GUSB: variants seen among roughly 807,000 people sequenced by gnomAD.
GUSB encodes the protein glucuronidase beta.
A neutral mutation model predicts 74.6 loss-of-function variants in GUSB; 51 were observed. That is an observed-to-expected ratio of 0.68 (90% CI 0.55 to 0.86). The LOEUF (loss-of-function observed/expected upper bound fraction) is 0.86. Among genes scored for constraint, GUSB ranks in the 40% least tolerant of loss-of-function variants. GUSB has a pLI of 0.00. For missense variants in GUSB, 736 were observed against 853.7 expected (o/e 0.86, Z 1.72); for synonymous variants, 360 against 348.3 (o/e 1.03, Z -0.37).
intron 9 of GUSB, 110 bp from the exon 10 acceptor site, chr7:65,968,017 GC>G: frequency 5.6e-6 from 5 of 896,066 alleles, no homozygotes; most frequent in Non-Finnish European, 9.0e-6. Context: ...TGTAATCCCA[GC>G]ACTCTGGGAG....
chr7:65,979,344 GAACA>G (rs1791820791), intron 4 of GUSB, 51 bp downstream of exon 4: 3 of 1,555,872 alleles, frequency 1.9e-6, no homozygotes, highest in African/African-American at 2.8e-5. Context: ...TCCAAACAGG[GAACA>G]AACAGAGCCA....
At chr7:65,967,656 C>G in intron 10 of GUSB, 75 bp downstream of exon 10, 1 of 1,234,708 alleles carries the variant, frequency 8.1e-7, no homozygotes, top group Non-Finnish European at 1.2e-6. Context: ...GCAGTGGGCG[C>G]AGGTCAGGCT....
chr7:65,979,569 G>A, intron 3 of GUSB, 28 bp from the exon 4 acceptor site: 1 of 1,613,774 alleles, frequency 6.2e-7, no homozygotes, highest in South Asian at 1.1e-5. Context: ...TGGTTTGCTG[G>A]GCCCTTGCTC....
At chr7:65,963,388 A>G (rs1392331336) in intron 11 of GUSB, among the ~76,000 whole-genome samples, 1 of 152,106 alleles carries the variant, frequency 6.6e-6, no homozygotes, top group African/African-American at 2.4e-5. Flanking sequence ...GTAATGTATT[A>G]TAATTCCCAC....
Position 65,964,338 on chromosome 7 carries a change from A to G in GUSB, c.1774T>C (p.Phe592Leu). 1 of 1,612,080 alleles carries G rather than the reference A, an allele frequency of 6.2e-7. No individual in the cohort carries two copies. The highest frequency in any genetic ancestry group is 8.5e-7 in the Non-Finnish European group (1 of 1,179,876). ...TGCCACTTACACTGTTCAGTCATGA[A>G]ATCGGCAAAATTCCAAATGAGCTCT... ...VGELIWNFADFMTEQSPTRVL... is the reference protein window; with the variant it reads ...VGELIWNFADLMTEQSPTRVL... Residue 592 changes from phenylalanine to leucine, a missense_variant, in exon 11 of 12, where the codon TTC (phenylalanine) becomes CTC (leucine). This residue lies in a region of GUSB where 368 missense variants were observed against 489.9 expected (regional missense o/e 0.75). Transcript: ENST00000304895.
intron 1 of GUSB, chr7:65,980,824 T>G (rs578103004): frequency 3.3e-6 from 1 of 302,442 alleles, no homozygotes; most frequent in African/African-American, 2.2e-5. Context: ...CTTTCCCTCC[T>G]GTACTGAATG....
At chr7:65,975,523 T>C in intron 5 of GUSB, 1 of 252,496 alleles carries the variant, frequency 4.0e-6, no homozygotes, top group Non-Finnish European at 7.8e-6. Flanking sequence ...TGGCTGGAAT[T>C]ACAGGTGTTC....
rs769514976 is a variant in GUSB at position 65,960,885 on chromosome 7, T to C, written c.*12A>G. 12 of 1,611,692 alleles carry C rather than the reference T, an allele frequency of 7.4e-6. No individual in the cohort carries two copies. The East Asian group carries it at 2.2e-4, about 30-fold the overall frequency. Reference sequence around the variant, plus strand: ...CGGGGAGGAAGGGACACGCAGGTGGTATCAGTCTTGCTCAAGTAAACAGGC... The same window carrying C: ...CGGGGAGGAAGGGACACGCAGGTGGCATCAGTCTTGCTCAAGTAAACAGGC... On this transcript the variant is annotated 3_prime_UTR_variant, in exon 12 of 12. Transcript: ENST00000304895.
At chr7:65,969,821 G>C (rs1406632423) in intron 9 of GUSB, among the ~76,000 whole-genome samples, 1 of 152,212 alleles carries the variant, frequency 6.6e-6, no homozygotes, top group East Asian at 1.9e-4. Context: ...GTGTGGGCCA[G>C]ATGAACTCTA....
chr7:65,978,439 C>T (rs576759246), intron 4 of GUSB, among the ~76,000 whole-genome samples: 1 of 149,230 alleles, frequency 6.7e-6, no homozygotes, highest in South Asian at 2.1e-4. Context: ...CAGAGCAAGA[C>T]TCCATCTCAA....
At chr7:65,970,235 G>T in intron 9 of GUSB, 47 bp downstream of exon 9, 1 of 1,144,882 alleles carries the variant, frequency 8.7e-7, no homozygotes, top group Non-Finnish European at 1.3e-6. Context: ...TTCAGGACAA[G>T]CCCAGGCAAA....
chr7:65,978,388 C>T (rs1791733644), intron 4 of GUSB, among the ~76,000 whole-genome samples: 1 of 151,862 alleles, frequency 6.6e-6, no homozygotes, highest in African/African-American at 2.4e-5. Flanking sequence ...GCGGAGGTTG[C>T]AGTGAGCCAA....
chr7:65,974,328 G>A lies in GUSB; in HGVS notation c.1358C>T (p.Ala453Val), dbSNP rs912985278. 6.2e-7 allele frequency: 1 copy of A among 1,614,120 alleles called. No homozygotes were observed. Among genetic ancestry groups the A allele is most frequent in the Non-Finnish European group, 8.5e-7 (1 of 1,180,000 alleles). The change falls in exon 8 of 12, where the codon GCG becomes GTG. Residue 453 changes from alanine (A) to valine (V), a missense_variant. Transcript: ENST00000304895. ...GTAGCCAGCAGATTCTAGGTGGGAC[G>A]CAGGCTCGTTGGCCACAGACCACAT... Reference protein sequence around the residue: ...VVMWSVANEPASHLESAGYYL... With the variant: ...VVMWSVANEPVSHLESAGYYL...
intron 9 of GUSB, among the ~76,000 whole-genome samples, chr7:65,968,265 C>T (rs999487690): frequency 6.7e-6 from 1 of 148,236 alleles, no homozygotes; most frequent in African/African-American, 2.5e-5. Flanking sequence ...AGAACGGGAA[C>T]AGCTGCCTCC....
In GUSB at chr7:65,982,105, TC is replaced by T; in HGVS notation, c.78del (p.Met27CysfsTer79). ...GACGGGCTCTCCTGGGGGTACAGCA[TC>T]CCGCCCTGCAGCCCCAGCGCGCAGC... ...LWGCALGLQG[G>X]MLYPQESPSR... On this transcript the variant is annotated frameshift_variant, in exon 1 of 12. Coordinates refer to ENST00000304895, the MANE Select transcript of GUSB (RefSeq NM_000181.4). LOFTEE classifies it high-confidence loss of function. 3.1e-6 allele frequency: 5 copies of T among 1,592,038 alleles called. No individual in the cohort carries two copies. Among genetic ancestry groups the T allele is most frequent in the Non-Finnish European group, 4.3e-6 (5 of 1,170,160 alleles).
chr7:65,981,606 G>A (rs1477934604), intron 1 of GUSB, among the ~76,000 whole-genome samples: 1 of 151,722 alleles, frequency 6.6e-6, no homozygotes, highest in African/African-American at 2.4e-5. Flanking sequence ...CGGGAGAATC[G>A]CTTGAGCTCA....
chr7:65,960,912 G>A lies in GUSB; in HGVS notation c.1941C>T (p.Asn647=), dbSNP rs1295701339. 1 of 1,613,940 alleles carries A rather than the reference G, an allele frequency of 6.2e-7. No individual in the cohort carries two copies. Among genetic ancestry groups the A allele is most frequent in the Non-Finnish European group, 8.5e-7 (1 of 1,179,884 alleles). ...HSVAKSQCLE[N]SLFT ...TCAGTCTTGCTCAAGTAAACAGGCT[G>A]TTTTCCAAACATTGTGACTTGGCTA... The change falls in exon 12 of 12, where the codon AAC becomes AAT. Residue 647 remains asparagine (N), a synonymous_variant. Coordinates refer to ENST00000304895, the MANE Select transcript of GUSB (RefSeq NM_000181.4).
chr7:65,965,069 T>C (rs1790743625), intron 10 of GUSB, among the ~76,000 whole-genome samples: 1 of 145,234 alleles, frequency 6.9e-6, no homozygotes, highest in Non-Finnish European at 1.5e-5. Context: ...ACCCTGTCTC[T>C]AATAAATATA....
chr7:65,967,348 G>GGCT (rs1790901476), intron 10 of GUSB, among the ~76,000 whole-genome samples: 1 of 152,208 alleles, frequency 6.6e-6, no homozygotes, highest in Non-Finnish European at 1.5e-5. Context: ...CAGCTACTCA[G>GGCT]GAGGCTGAGG....
Sources: allele counts gnomAD v4.1 joint callset (sites outside exome capture counted in the v4.1 genomes callset), GRCh38; gene constraint gnomAD v4.1.1; regional missense constraint gnomAD v4.1.1; transcripts MANE v1.5; gene names NCBI Gene and HGNC (gene_info 2026-07-23, HGNC 2026-07-21).